SSTR1: variants seen among roughly 807,000 people sequenced by gnomAD.
The protein encoded by SSTR1 is somatostatin receptor type 1.
SSTR1 carries 10 observed loss-of-function variants against 20.7 expected under a neutral mutation model. The observed-to-expected ratio is 0.48, with a 90% CI of 0.30 to 0.82. The LOEUF is 0.82. Ranked by LOEUF, SSTR1 falls within the 40% of genes least tolerant of loss-of-function variation. The pLI is 0.07. For missense variants in SSTR1, 494 were observed against 540.0 expected, an observed-to-expected ratio of 0.91 and a Z score of 0.84; for synonymous variants, 267 against 227.8, an observed-to-expected ratio of 1.17 and a Z score of -1.55.
Position 38,210,421 on chromosome 14 carries a change from C to A in SSTR1, c.1032C>A (p.Asp344Glu). Residue 344 changes from aspartate to glutamate, a missense_variant, in exon 3 of 3, where the codon GAC (aspartate) becomes GAA (glutamate). Around this residue, in one of 3 missense-constraint regions of SSTR1, gnomAD observed 280 missense variants for 286.1 expected, o/e 0.98. Transcript: ENST00000267377. Reference protein sequence around the residue: ...FQRILCLSWMDNAAEEPVDYY... With the variant: ...FQRILCLSWMENAAEEPVDYY... ...GCATCCTATGCCTCAGCTGGATGGACAACGCCGCGGAGGAGCCGGTTGACT... is the reference window on the plus strand; with the variant it reads ...GCATCCTATGCCTCAGCTGGATGGAAAACGCCGCGGAGGAGCCGGTTGACT... 1.4e-5 allele frequency: 23 copies of A among 1,614,228 alleles called. No homozygotes were observed. The highest frequency in any genetic ancestry group is 1.9e-5 in the Non-Finnish European group (23 of 1,180,050).
In SSTR1 at chr14:38,210,843, G is replaced by C. The variant is rs145618140; in HGVS notation, c.*278G>C. The C allele has an allele frequency of 6.4e-6, 4 of 621,498 alleles. No homozygotes were observed. The East Asian group carries it at 1.4e-4, about 22-fold the overall frequency. 38.5% of individuals were successfully genotyped at this position (621,498 alleles called of 1,614,324 possible). The stretch of plus-strand genomic sequence containing the variant: ...CACTTTCTGTTCCTTCCTCCACTGC[G>C]CTTACTCCTCTGACCCTCCTTCTAT... On this transcript the variant is annotated 3_prime_UTR_variant, in exon 3 of 3. Coordinates refer to ENST00000267377, the MANE Select transcript of SSTR1 (RefSeq NM_001049.3).
Position 38,211,503 on chromosome 14 carries a change from G to C in SSTR1, c.*938G>C, listed in dbSNP as rs1420268384. ...GCGTTAGGCAGGGCAGGGTAGTGCA[G>C]GGCACACCTTCCCCGGGGTTCGGGG... is the stretch of plus-strand genomic sequence containing the variant. On this transcript the variant is annotated 3_prime_UTR_variant, in exon 3 of 3. Transcript: ENST00000267377. The C allele has an allele frequency of 6.0e-6, 1 of 167,226 alleles. No individual in the cohort carries two copies. Among genetic ancestry groups the C allele is most frequent in the Non-Finnish European group, 1.5e-5 (1 of 68,198 alleles). 10.4% of individuals were successfully genotyped at this position (167,226 alleles called of 1,614,324 possible).
At chr14:38,208,989 G>A (rs986095546) in intron 2 of SSTR1, 57 bp from the exon 3 acceptor site, 8 of 175,668 alleles carry the variant, frequency 4.6e-5, no homozygotes, top group Non-Finnish European at 7.1e-5. Context: ...GGGGCGGGGG[G>A]GACAAGCCAC....
At position 38,208,477 on chromosome 14, in the gene SSTR1, G is replaced by A. The variant is rs1185815225; in HGVS notation, c.-477G>A. The A allele has an allele frequency of 2.6e-5, 4 of 152,388 alleles. No homozygotes were observed. The highest frequency in any genetic ancestry group is 2.1e-4 in the South Asian group (1 of 4,830). The allele number at this position is 152,388 out of a possible 1,614,324, so 9.4% of individuals were successfully genotyped here. A position where few individuals can be genotyped will look rare whatever the true frequency, so the allele number is the denominator to read the frequency against. ...AGTTTCCGCGATTCTAAGAGTAATT[G>A]CGTGGGCACCTGTGCTGGGGCCAGG... is the stretch of plus-strand genomic sequence containing the variant. On this transcript the variant is annotated 5_prime_UTR_variant, in exon 2 of 3. Transcript: ENST00000267377.
rs772606425 is a variant in SSTR1 at position 38,210,003 on chromosome 14, C to T, written c.614C>T (p.Thr205Met). The T allele has an allele frequency of 1.2e-6, 2 of 1,614,162 alleles. No individual in the cohort carries two copies. Among genetic ancestry groups the T allele is most frequent in the South Asian group, 1.1e-5 (1 of 91,088 alleles). ...CGCACCGCGGCCAACAGCGACGGCA[C>T]GGTGGCTTGCAACATGCTCATGCCA... ...FSRTAANSDG[T>M]VACNMLMPEP... The change falls in exon 3 of 3, where the codon ACG becomes ATG. Residue 205 changes from threonine to methionine, a missense_variant. By Grantham distance (81) the Thr-to-Met change is moderately conservative. Around this residue, in one of 3 missense-constraint regions of SSTR1, gnomAD observed 280 missense variants for 286.1 expected, o/e 0.98. Transcript: ENST00000267377.
Position 38,209,541 on chromosome 14 carries a change from TGAGCGA to T in SSTR1, c.154_159del (p.Ser52_Glu53del), listed in dbSNP as rs762736894. On this transcript the variant is annotated inframe_deletion, in exon 3 of 3. Transcript: ENST00000267377. Reference sequence around the variant, plus strand: ...CGAAATGCGTCCCAGAACGGGACCTTGAGCGAGGGCCAGGGCAGCGCCATCCTGATC... The same window carrying T: ...CGAAATGCGTCCCAGAACGGGACCTTGGGCCAGGGCAGCGCCATCCTGATC... 3 of 1,601,504 alleles carry T rather than the reference TGAGCGA, an allele frequency of 1.9e-6. No individual in the cohort carries two copies. The South Asian group carries it at 3.4e-5, about 18-fold the overall frequency.
rs1301975112 is a variant in SSTR1 at position 38,210,471 on chromosome 14, G to A, written c.1082G>A (p.Arg361His). 1 of 1,613,816 alleles carries A rather than the reference G, an allele frequency of 6.2e-7. No homozygotes were observed. Among genetic ancestry groups the A allele is most frequent in the African/African-American group, 1.3e-5 (1 of 74,950 alleles). Residue 361 changes from arginine to histidine, a missense_variant, in exon 3 of 3, where the codon CGT becomes CAT. Coordinates refer to ENST00000267377, the MANE Select transcript of SSTR1 (RefSeq NM_001049.3). Reference sequence around the variant, plus strand: ...TATTACGCCACCGCGCTCAAGAGCCGTGCCTACAGTGTGGAAGACTTCCAA... The same window carrying A: ...TATTACGCCACCGCGCTCAAGAGCCATGCCTACAGTGTGGAAGACTTCCAA... The part of the protein sequence containing the change: ...VDYYATALKS[R>H]AYSVEDFQPE...
Position 38,210,585 on chromosome 14 carries a change from T to C in SSTR1, c.*20T>C, listed in dbSNP as rs376701193. On this transcript the variant is annotated 3_prime_UTR_variant, in exon 3 of 3. Coordinates refer to ENST00000267377, the MANE Select transcript of SSTR1 (RefSeq NM_001049.3). The stretch of plus-strand genomic sequence containing the variant: ...CTCTGAGCCCGGGCCACGCAGGGGC[T>C]CTGAGCCCGGGCCACGCAGGGGCCC... 1.3e-6 allele frequency: 2 copies of C among 1,545,388 alleles called. No individual in the cohort carries two copies. Among genetic ancestry groups the C allele is most frequent in the Admixed American group, 2.0e-5 (1 of 50,030 alleles).
chr14:38,208,254 C>G (rs1883249456), intron 1 of SSTR1, 150 bp downstream of exon 1: 1 of 152,302 alleles, frequency 6.6e-6, no homozygotes, highest in South Asian at 2.1e-4. Flanking sequence ...AGCTGCGCGT[C>G]CTCGTTTCTG....
At position 38,210,652 on chromosome 14, in the gene SSTR1, C is replaced by A. The variant is rs1883311889; in HGVS notation, c.*87C>A. On this transcript the variant is annotated 3_prime_UTR_variant, in exon 3 of 3. Coordinates refer to ENST00000267377, the MANE Select transcript of SSTR1 (RefSeq NM_001049.3). Reference sequence around the variant, plus strand: ...GAGAATGAGAAGGGAAGGCCGGGTGCGAAAGGGACGGTATCCAGGGCGCCA... The same window carrying A: ...GAGAATGAGAAGGGAAGGCCGGGTGAGAAAGGGACGGTATCCAGGGCGCCA... 5 of 1,433,694 alleles carry A rather than the reference C, an allele frequency of 3.5e-6. No individual in the cohort carries two copies. The Admixed American group carries it at 1.2e-4, about 34-fold the overall frequency. 88.8% of individuals were successfully genotyped at this position (1,433,694 alleles called of 1,614,324 possible).
rs1883273130 is a variant in SSTR1, at chr14:38,209,250, C to G, written c.-140C>G. 1 of 1,092,438 alleles carries G rather than the reference C, an allele frequency of 9.2e-7. No individual in the cohort carries two copies. Among genetic ancestry groups the G allele is most frequent in the East Asian group, 3.1e-5 (1 of 31,748 alleles). 67.7% of individuals were successfully genotyped at this position (1,092,438 alleles called of 1,614,324 possible). A position where few individuals can be genotyped will look rare whatever the true frequency, so the allele number is the denominator to read the frequency against. ...GCGCCGGTAGGAGCCGCGCTCCCCG[C>G]AGCGGTTGCGCTCTACCCGGAGGCG... On this transcript the variant is annotated 5_prime_UTR_variant, in exon 3 of 3. Coordinates refer to ENST00000267377, the MANE Select transcript of SSTR1 (RefSeq NM_001049.3).
chr14:38,208,865 G>T (rs1883264258), intron 2 of SSTR1, among the ~76,000 whole-genome samples, 181 bp from the exon 3 acceptor site: 1 of 152,144 alleles, frequency 6.6e-6, no homozygotes, highest in African/African-American at 2.4e-5. Context: ...CTCCAGTAAG[G>T]CCGAGGAACT....
rs933208984 is a variant in SSTR1 at position 38,210,412 on chromosome 14, C to A, written c.1023C>A (p.Ser341Arg). 1.2e-6 allele frequency: 2 copies of A among 1,614,126 alleles called. No homozygotes were observed. The highest frequency in any genetic ancestry group is 1.7e-6 in the Non-Finnish European group (2 of 1,180,066). ...KRSFQRILCL[S>R]WMDNAAEEPV... ...CTTTCCAACGCATCCTATGCCTCAG[C>A]TGGATGGACAACGCCGCGGAGGAGC... Residue 341 changes from serine to arginine, a missense_variant, in exon 3 of 3, where the codon AGC (serine) becomes AGA (arginine). Around this residue, in one of 3 missense-constraint regions of SSTR1, gnomAD observed 280 missense variants for 286.1 expected, o/e 0.98. Coordinates refer to ENST00000267377, the MANE Select transcript of SSTR1 (RefSeq NM_001049.3).
intron 1 of SSTR1, 83 bp downstream of exon 1, chr14:38,208,187 C>A (rs556357397): frequency 3.1e-4 from 48 of 152,418 alleles, no homozygotes; most frequent in Non-Finnish European, 5.6e-4. Context: ...TAGGTGGATT[C>A]CCAACACCGC....
In SSTR1 at chr14:38,209,578, C is replaced by A. The variant is rs868648083; in HGVS notation, c.189C>A (p.Phe63Leu). ...AGGGCAGCGCCATCCTGATCTCTTT[C>A]ATCTACTCCGTGGTGTGCCTGGTGG... ...EGQGSAILIS[F>L]IYSVVCLVGL... The change falls in exon 3 of 3, where the codon TTC becomes TTA. Residue 63 changes from phenylalanine (F) to leucine (L), a missense_variant. Phe to Leu is a conservative substitution (Grantham distance 22). Transcript: ENST00000267377. 1.2e-6 allele frequency: 2 copies of A among 1,612,972 alleles called. No individual in the cohort carries two copies. The highest frequency in any genetic ancestry group is 1.3e-5 in the African/African-American group (1 of 75,054).
rs1883280510 is a variant in SSTR1 at position 38,209,471 on chromosome 14, AG to A, written c.86del (p.Gly29AlafsTer23). 3 of 1,560,856 alleles carry A rather than the reference AG, an allele frequency of 1.9e-6. No homozygotes were observed. The highest frequency in any genetic ancestry group is 2.6e-6 in the Non-Finnish European group (3 of 1,154,118). ...CAGCTGCGGCGAAGGCGGCGGCAGC[AG>A]GGGCCCCGGGGCCGGCGCTGCGGAC... The part of the protein sequence containing the change: ...PGSCGEGGGS[R>X]GPGAGAADGM... On this transcript the variant is annotated frameshift_variant, in exon 3 of 3. Transcript: ENST00000267377. LOFTEE classifies it high-confidence loss of function.
In SSTR1 at chr14:38,211,968, T is replaced by G. The variant is rs1883339518; in HGVS notation, c.*1403T>G. On this transcript the variant is annotated 3_prime_UTR_variant, in exon 3 of 3. Coordinates refer to ENST00000267377, the MANE Select transcript of SSTR1 (RefSeq NM_001049.3). ...CACTCCCTGGCCATCTCAACGCCTCTCCTCAATGCTGGGCCCTCTTATCTC... is the reference window on the plus strand; with the variant it reads ...CACTCCCTGGCCATCTCAACGCCTCGCCTCAATGCTGGGCCCTCTTATCTC... 6.0e-6 allele frequency: 1 copy of G among 167,058 alleles called. No individual in the cohort carries two copies. The highest frequency in any genetic ancestry group is 1.5e-5 in the Non-Finnish European group (1 of 68,118). The allele number at this position is 167,058 out of a possible 1,614,324, so 10.3% of individuals were successfully genotyped here. A position where few individuals can be genotyped will look rare whatever the true frequency, so the allele number is the denominator to read the frequency against.
At position 38,208,032 on chromosome 14, in the gene SSTR1, T is replaced by G. The variant is rs1028517189; in HGVS notation, c.-584T>G. 1 of 152,224 alleles carries G rather than the reference T, an allele frequency of 6.6e-6. No individual in the cohort carries two copies. The highest frequency in any genetic ancestry group is 2.4e-5 in the African/African-American group (1 of 41,448). The allele number at this position is 152,224 out of a possible 1,614,324, so 9.4% of individuals were successfully genotyped here. ...GCACGGCGGCAGCTCCTCACCTGGA[T>G]TTAGAAGAGCTGGCGTCCCCGCCCG... On this transcript the variant is annotated 5_prime_UTR_variant, in exon 1 of 3. Transcript: ENST00000267377.
At position 38,212,953 on chromosome 14, in the gene SSTR1, A is replaced by C. The variant is rs2139299946; in HGVS notation, c.*2388A>C. The C allele has an allele frequency of 6.0e-6, 1 of 167,214 alleles. No homozygotes were observed. Among genetic ancestry groups the C allele is most frequent in the African/African-American group, 2.4e-5 (1 of 41,560 alleles). 10.4% of individuals were successfully genotyped at this position (167,214 alleles called of 1,614,324 possible). On this transcript the variant is annotated 3_prime_UTR_variant, in exon 3 of 3. Coordinates refer to ENST00000267377, the MANE Select transcript of SSTR1 (RefSeq NM_001049.3). ...GATTTTTAATGGTTAAGAACTGTGAAATTTACAAATCAAAATCTTAATCAT... is the reference window on the plus strand; with the variant it reads ...GATTTTTAATGGTTAAGAACTGTGACATTTACAAATCAAAATCTTAATCAT...
Sources: gnomAD v4.1 joint callset for allele counts (sites outside exome capture counted in the v4.1 genomes callset) on GRCh38, gnomAD v4.1.1 for gene constraint, gnomAD v4.1.1 regional missense constraint, MANE v1.5 for transcripts, NCBI Gene and HGNC (gene_info 2026-07-23, HGNC 2026-07-21) for gene names.